Variants in DPH5 observed in about 807,000 individuals in gnomAD.
The protein encoded by DPH5 is diphthine methyl ester synthase.
DPH5 carries 31 observed loss-of-function variants against 31.6 expected under a neutral mutation model. The observed-to-expected ratio is 0.98, with a 90% CI of 0.74 to 1.32. DPH5 has a LOEUF of 1.32. Ranked by LOEUF, DPH5 falls within the 40% of genes most tolerant of loss-of-function variation. DPH5 has a pLI of 0.00. For missense variants in DPH5, 309 were observed against 335.7 expected (o/e 0.92, Z 0.62); for synonymous variants, 120 against 115.0 (o/e 1.04, Z -0.28).
intron 2 of DPH5, chr1:101,025,101 T>C: frequency 3.4e-6 from 2 of 586,770 alleles, no homozygotes; most frequent in South Asian, 2.6e-5. Flanking sequence ...ATTAGACTTG[T>C]AAAATAGGAC....
intron 7 of DPH5, among the ~76,000 whole-genome samples, chr1:100,992,431 C>T (rs551731240): frequency 2.0e-5 from 3 of 152,172 alleles, no homozygotes; most frequent in Admixed American, 6.5e-5. Flanking sequence ...GTTAATTATA[C>T]TATAAAAGAA....
At chr1:101,006,516 T>C (rs561875278) in intron 4 of DPH5, among the ~76,000 whole-genome samples, 14 of 152,262 alleles carry the variant, frequency 9.2e-5, no homozygotes, top group Admixed American at 6.5e-4. Context: ...AGAGCTTAGA[T>C]TATTTTCTTC....
chr1:101,014,461 A>G (rs1659923792), intron 3 of DPH5, among the ~76,000 whole-genome samples: 1 of 152,232 alleles, frequency 6.6e-6, no homozygotes, highest in Non-Finnish European at 1.5e-5. Flanking sequence ...GAAAATGTGC[A>G]TACCTTAGTT....
At position 101,023,063 on chromosome 1, in the gene DPH5, C is replaced by G. The variant is rs1388627899; in HGVS notation, c.136-1298G>C. ...CAAAAATTAGCCGGGCGCAATGGCA[C>G]ACGCCTGTAATCCCAGCTACTCAGA... is the stretch of plus-strand genomic sequence containing the variant. On this transcript the variant is annotated intron_variant, in intron 2 of 7. Coordinates refer to ENST00000370109, the MANE Select transcript of DPH5 (RefSeq NM_015958.3). The G allele has an allele frequency of 3.3e-5, 5 of 152,276 alleles. No homozygotes were observed. The East Asian group carries it at 5.8e-4, about 18-fold the overall frequency. The allele number at this position is 152,276 out of a possible 1,614,324, so 9.4% of individuals were successfully genotyped here.
At chr1:101,005,590 G>A (rs1570674640) in intron 4 of DPH5, among the ~76,000 whole-genome samples, 1 of 152,180 alleles carries the variant, frequency 6.6e-6, no homozygotes, top group Admixed American at 6.5e-5. Context: ...ACACATAAAT[G>A]AGAGCCACTT....
chr1:100,989,865 A>G lies in DPH5; in HGVS notation c.*543T>C, dbSNP rs986678100. 6.5e-6 allele frequency: 1 copy of G among 153,444 alleles called. No individual in the cohort carries two copies. The highest frequency in any genetic ancestry group is 2.4e-5 in the African/African-American group (1 of 41,446). The allele number at this position is 153,444 out of a possible 1,614,324, so 9.5% of individuals were successfully genotyped here. A position where few individuals can be genotyped will look rare whatever the true frequency, so the allele number is the denominator to read the frequency against. On this transcript the variant is annotated 3_prime_UTR_variant, in exon 8 of 8. Transcript: ENST00000370109. Reference sequence around the variant, plus strand: ...TGTGTACATCCTGAAAATTTGCCAAAATAGCAGCAACAACTGATGATATCA... The same window carrying G: ...TGTGTACATCCTGAAAATTTGCCAAGATAGCAGCAACAACTGATGATATCA...
intron 6 of DPH5, among the ~76,000 whole-genome samples, chr1:100,994,495 C>T (rs1658146178): frequency 6.6e-6 from 1 of 151,364 alleles, no homozygotes; most frequent in Non-Finnish European, 1.5e-5. Flanking sequence ...AGTAACTTGC[C>T]CAAGAGCACT....
chr1:100,999,561 C>A (rs928138403), intron 5 of DPH5, among the ~76,000 whole-genome samples: 1 of 152,120 alleles, frequency 6.6e-6, no homozygotes, highest in Non-Finnish European at 1.5e-5. Context: ...GGCAAATTGG[C>A]CAGGTGCAGT....
chr1:101,019,591 T>A (rs992906345), intron 3 of DPH5, among the ~76,000 whole-genome samples: 1 of 152,118 alleles, frequency 6.6e-6, no homozygotes, highest in Non-Finnish European at 1.5e-5. Flanking sequence ...ATCTAAGAAT[T>A]TCAGTGCCTT....
At chr1:100,997,128 T>C (rs1570655387) in intron 5 of DPH5, among the ~76,000 whole-genome samples, 1 of 152,344 alleles carries the variant, frequency 6.6e-6, no homozygotes, top group East Asian at 1.9e-4. Flanking sequence ...TTGTCCTTCC[T>C]GCCTCTCCAT....
At chr1:101,020,131 T>A (rs1461442785) in intron 3 of DPH5, among the ~76,000 whole-genome samples, 3 of 152,160 alleles carry the variant, frequency 2.0e-5, no homozygotes, top group Non-Finnish European at 4.4e-5. Context: ...TACATCAAGG[T>A]ACTTTCTCTG....
intron 5 of DPH5, among the ~76,000 whole-genome samples, chr1:100,999,666 C>T (rs186512113): frequency 2.6e-5 from 4 of 151,912 alleles, no homozygotes; most frequent in Admixed American, 1.3e-4. Context: ...TGGCGAAACC[C>T]CATCTTTACT....
chr1:101,008,639 G>A (rs1659412112), intron 4 of DPH5, among the ~76,000 whole-genome samples: 1 of 152,126 alleles, frequency 6.6e-6, no homozygotes, highest in African/African-American at 2.4e-5. Flanking sequence ...TGGTATTTAT[G>A]TATGCACATA....
chr1:101,016,869 G>A (rs527319747), intron 3 of DPH5, among the ~76,000 whole-genome samples: 4 of 152,292 alleles, frequency 2.6e-5, no homozygotes, highest in African/African-American at 7.2e-5. Flanking sequence ...CTTCAATATT[G>A]TTGGGTCTCT....
intron 4 of DPH5, among the ~76,000 whole-genome samples, chr1:101,001,891 A>C (rs904589907): frequency 6.6e-6 from 1 of 151,898 alleles, no homozygotes; most frequent in Non-Finnish European, 1.5e-5. Flanking sequence ...ACTGAAATGC[A>C]AAGAACCCAG....
At chr1:101,002,752 G>C (rs181012365) in intron 4 of DPH5, among the ~76,000 whole-genome samples, 2 of 151,986 alleles carry the variant, frequency 1.3e-5, no homozygotes, top group Non-Finnish European at 2.9e-5. Context: ...TGCAGAACCT[G>C]GTCTGGAGCA....
At chr1:101,005,501 A>ATC (rs1659164973) in intron 4 of DPH5, among the ~76,000 whole-genome samples, 2 of 152,214 alleles carry the variant, frequency 1.3e-5, no homozygotes, top group Admixed American at 6.5e-5. Flanking sequence ...GACACTAAGG[A>ATC]AGAGTATGCA....
rs375522712 is a variant in DPH5, at chr1:101,013,796, C to G, written c.283G>C (p.Val95Leu). 30 of 1,612,676 alleles carry G rather than the reference C, an allele frequency of 1.9e-5. No individual in the cohort carries two copies. In the African/African-American group the frequency reaches 3.5e-4, roughly 19 times the overall value. Residue 95 changes from valine to leucine, a missense_variant, in exon 4 of 8, where the codon GTT (valine) becomes CTT (leucine). Val to Leu is a conservative substitution (Grantham distance 32). Transcript: ENST00000370109. The part of the protein sequence containing the change: ...PFGATTHSDL[V>L]LRATKLGIPY... ...ATTCCCAGCTTTGTTGCTCTTAGAA[C>G]AAGATCACTGTGTGTTGTGGCCCTG...
chr1:100,995,711 C>T (rs1267541191), intron 5 of DPH5: 1 of 152,714 alleles, frequency 6.5e-6, no homozygotes, highest in Non-Finnish European at 1.5e-5. Flanking sequence ...CAGATATAAA[C>T]TCTGCTCTCT....
Sources: gnomAD v4.1 joint callset for allele counts (sites outside exome capture counted in the v4.1 genomes callset) on GRCh38, gnomAD v4.1.1 for gene constraint, MANE v1.5 for transcripts, NCBI Gene and HGNC (gene_info 2026-07-23, HGNC 2026-07-21) for gene names.